CDKAL1: variants seen among roughly 807,000 people sequenced by gnomAD.
CDKAL1 encodes CDKAL1 threonylcarbamoyladenosine tRNA methylthiotransferase.
In CDKAL1, 32 loss-of-function variants were observed where a neutral mutation model predicts 68.2. That is an observed-to-expected ratio of 0.47 (90% CI 0.35 to 0.63). The LOEUF is 0.63. Ranked by LOEUF, CDKAL1 falls within the 30% of genes least tolerant of loss-of-function variation. The probability of loss-of-function intolerance (pLI) is 0.00; values close to 1 mark genes in which losing one functional copy is unlikely to be tolerated. For missense variants in CDKAL1, 606 were observed against 696.7 expected (o/e 0.87, Z 1.47); for synonymous variants, 234 against 244.3 (o/e 0.96, Z 0.39).
chr6:21,183,210 A>T (rs950157295), intron 13 of CDKAL1, among the ~76,000 whole-genome samples: 6 of 150,818 alleles, frequency 4.0e-5, no homozygotes, highest in African/African-American at 1.5e-4. Flanking sequence ...ATTTATCAAT[A>T]TTGGAGAATT....
chr6:20,900,065 A>G (rs573788796), intron 9 of CDKAL1, among the ~76,000 whole-genome samples: 24 of 152,294 alleles, frequency 1.6e-4, no homozygotes, highest in African/African-American at 5.3e-4. Flanking sequence ...GTAGGGAACC[A>G]TTACAATTCT....
intron 2 of CDKAL1, among the ~76,000 whole-genome samples, chr6:20,538,384 A>G (rs1272925562): frequency 1.3e-5 from 2 of 152,158 alleles, no homozygotes; most frequent in Admixed American, 1.3e-4. Flanking sequence ...CCATAGTGGG[A>G]AGAGCATGGT....
intron 4 of CDKAL1, among the ~76,000 whole-genome samples, chr6:20,634,383 A>G (rs1273450033): frequency 1.3e-5 from 2 of 152,246 alleles, no homozygotes; most frequent in Admixed American, 1.3e-4. Flanking sequence ...ATGTTTAACT[A>G]GCTGCAAATA....
In CDKAL1 at chr6:20,593,584, G is replaced by A. The variant is rs550468472; in HGVS notation, c.286+44879G>A. ...CTTTTCTTCTTTATTAGTTTGGCTG[G>A]TGGTCTATTTCATTAATCTTTAAAA... On this transcript the variant is annotated intron_variant, in intron 4 of 15. Coordinates refer to ENST00000274695, the MANE Select transcript of CDKAL1 (RefSeq NM_017774.3). Among the ~76,000 whole-genome samples the A allele has an allele frequency of 1.4e-3, 210 of 146,512 alleles. 2 individuals are homozygous for A. Among genetic ancestry groups the A allele is most frequent in the Middle Eastern group, 3.6e-3 (1 of 280 alleles).
At chr6:20,779,333 G>A (rs1017722728) in intron 7 of CDKAL1, among the ~76,000 whole-genome samples, 1 of 152,234 alleles carries the variant, frequency 6.6e-6, no homozygotes, top group East Asian at 1.9e-4. Context: ...AAACTTGTAT[G>A]TGAATGTTCA....
chr6:21,010,741 G>T (rs1767964876), intron 11 of CDKAL1, among the ~76,000 whole-genome samples: 1 of 152,140 alleles, frequency 6.6e-6, no homozygotes, highest in South Asian at 2.1e-4. Flanking sequence ...AAAGAAGACT[G>T]GGTAATATAA....
At chr6:21,000,116 G>A (rs1767350956) in intron 10 of CDKAL1, 111 bp from the exon 11 acceptor site, 1 of 719,202 alleles carries the variant, frequency 1.4e-6, no homozygotes, top group African/African-American at 1.8e-5. Flanking sequence ...TTGATGATTG[G>A]TCTGTTTTCA....
At chr6:20,755,819 T>C (rs1024847724) in intron 6 of CDKAL1, among the ~76,000 whole-genome samples, 2 of 152,222 alleles carry the variant, frequency 1.3e-5, no homozygotes, top group Non-Finnish European at 2.9e-5. Context: ...GTCCCAATAT[T>C]GTGTGGTGAA....
intron 8 of CDKAL1, among the ~76,000 whole-genome samples, chr6:20,828,520 T>C (rs1307526228): frequency 2.0e-5 from 3 of 152,186 alleles, no homozygotes; most frequent in Non-Finnish European, 4.4e-5. Context: ...TGAGCCACTG[T>C]GCTTGGCTGT....
At chr6:20,958,255 C>T (rs1764885551) in intron 10 of CDKAL1, among the ~76,000 whole-genome samples, 1 of 152,202 alleles carries the variant, frequency 6.6e-6, no homozygotes, top group South Asian at 2.1e-4. Flanking sequence ...CAAAGGTCTA[C>T]ACCATCTCAA....
chr6:20,849,600 A>C (rs1439147425), intron 9 of CDKAL1, among the ~76,000 whole-genome samples: 1 of 141,958 alleles, frequency 7.0e-6, no homozygotes, highest in African/African-American at 2.6e-5. Flanking sequence ...AAAAAAAAAA[A>C]ACATTATGAA....
At chr6:21,104,021 AC>A (rs1219465982) in intron 12 of CDKAL1, among the ~76,000 whole-genome samples, 13 of 152,222 alleles carry the variant, frequency 8.5e-5, no homozygotes, top group Non-Finnish European at 1.9e-4. Flanking sequence ...AAACTGGCTC[AC>A]TAGTAATAAT....
intron 9 of CDKAL1, among the ~76,000 whole-genome samples, chr6:20,875,751 A>G (rs1246647709): frequency 6.6e-6 from 1 of 152,234 alleles, no homozygotes; most frequent in Non-Finnish European, 1.5e-5. Context: ...ACATTACTAA[A>G]CATGGCAATT....
At chr6:20,804,753 G>GC (rs1041714294) in intron 8 of CDKAL1, among the ~76,000 whole-genome samples, 31 of 152,230 alleles carry the variant, frequency 2.0e-4, no homozygotes, top group African/African-American at 7.5e-4. Flanking sequence ...TGGTACTGGG[G>GC]CCATGGGGGT....
chr6:21,062,678 A>G (rs191468642), intron 11 of CDKAL1, among the ~76,000 whole-genome samples: 3 of 152,342 alleles, frequency 2.0e-5, no homozygotes, highest in East Asian at 1.9e-4. Flanking sequence ...GACCAAGAAT[A>G]AATTAGGAAC....
chr6:21,147,829 G>A (rs1003291211), intron 13 of CDKAL1, among the ~76,000 whole-genome samples: 6 of 151,964 alleles, frequency 3.9e-5, no homozygotes, highest in Non-Finnish European at 1.5e-5. Flanking sequence ...TTAAACAAAA[G>A]CATTTTTATT....
At chr6:20,566,017 A>T (rs1347895755) in intron 4 of CDKAL1, among the ~76,000 whole-genome samples, 1 of 152,088 alleles carries the variant, frequency 6.6e-6, no homozygotes, top group Non-Finnish European at 1.5e-5. Context: ...TTTCTGGACA[A>T]ATGGACAAAG....
intron 11 of CDKAL1, among the ~76,000 whole-genome samples, chr6:21,007,259 C>G (rs1376323376): frequency 6.6e-6 from 1 of 151,828 alleles, no homozygotes; most frequent in Non-Finnish European, 1.5e-5. Flanking sequence ...GACAACATAG[C>G]AAAACCCCAT....
At chr6:20,764,567 C>A (rs941698416) in intron 7 of CDKAL1, among the ~76,000 whole-genome samples, 1 of 152,096 alleles carries the variant, frequency 6.6e-6, no homozygotes, top group African/African-American at 2.4e-5. Context: ...GCATGTGGTA[C>A]TTATTTAGAG....
Sources: allele counts gnomAD v4.1 joint callset (sites outside exome capture counted in the v4.1 genomes callset), GRCh38; gene constraint gnomAD v4.1.1; transcripts MANE v1.5; gene names NCBI Gene and HGNC (gene_info 2026-07-23, HGNC 2026-07-21).